The following DYTN variants were observed in gnomAD, a reference collection of about 807,000 sequenced individuals.
The protein encoded by DYTN is dystrotelin.
In DYTN, 75 loss-of-function variants were observed where a neutral mutation model predicts 69.6. That is an observed-to-expected ratio of 1.08 (90% CI 0.89 to 1.31). DYTN has a LOEUF of 1.31. Ranked by LOEUF, DYTN falls within the 50% of genes most tolerant of loss-of-function variation. DYTN has a pLI of 0.00. For synonymous variants in DYTN, 252 were observed against 249.1 expected (o/e 1.01, Z -0.11); for missense variants, 726 against 688.4 (o/e 1.05, Z -0.61).
Position 206,708,918 on chromosome 2 carries a change from C to T in DYTN, c.95-1415G>A, listed in dbSNP as rs372966729. Among the ~76,000 whole-genome samples, 48 of 152,292 alleles carry T rather than the reference C, an allele frequency of 3.2e-4. No individual in the cohort carries two copies. In the South Asian group the frequency reaches 8.3e-3, roughly 26 times the overall value. On this transcript the variant is annotated intron_variant, in intron 2 of 11. Transcript: ENST00000452335. ...TTGAAAACTGTGCATCCACAAATTA[C>T]GCTACGGAACATACTCAGGCATTCG...
chr2:206,680,344 C>T (rs1559310073), intron 9 of DYTN, among the ~76,000 whole-genome samples: 1 of 152,150 alleles, frequency 6.6e-6, no homozygotes, highest in Non-Finnish European at 1.5e-5. Context: ...GTCCCTCCCA[C>T]AACACATGGG....
chr2:206,661,549 C>T (rs6754507), intron 11 of DYTN, among the ~76,000 whole-genome samples: 64,844 of 152,010 alleles, frequency 0.43, 14,924 homozygotes, highest in African/African-American at 0.6. Context: ...CCTCCTCCCT[C>T]TTCTTCTCCT....
chr2:206,676,120 C>T (rs907750801), intron 9 of DYTN, among the ~76,000 whole-genome samples: 9 of 152,160 alleles, frequency 5.9e-5, no homozygotes, highest in African/African-American at 2.2e-4. Context: ...TATAAAGACA[C>T]CTGCACACAT....
At chr2:206,688,922 G>A (rs1411635050) in intron 9 of DYTN, among the ~76,000 whole-genome samples, 1 of 152,074 alleles carries the variant, frequency 6.6e-6, no homozygotes, top group African/African-American at 2.4e-5. Flanking sequence ...TGCTAGTAGA[G>A]TGAAGAATTT....
intron 1 of DYTN, among the ~76,000 whole-genome samples, chr2:206,714,680 C>A (rs1172339476): frequency 1.9e-5 from 2 of 103,798 alleles, no homozygotes; most frequent in Non-Finnish European, 1.8e-5. Flanking sequence ...CCTAGCAGAC[C>A]CCTGAGTGGG....
Position 206,675,113 on chromosome 2 carries a change from A to ATGTGTGTGTG in DYTN, c.981-9085_981-9084insCACACACACA, listed in dbSNP as rs879629081. ...ATTGGAGGGGAAAAAACATATATATATATGTGTGTGTGTGTGTGTGTGTGT... is the reference window on the plus strand; with the variant it reads ...ATTGGAGGGGAAAAAACATATATATATGTGTGTGTGTATGTGTGTGTGTGTGTGTGTGTGT... On this transcript the variant is annotated intron_variant, in intron 9 of 11. Coordinates refer to ENST00000452335, the MANE Select transcript of DYTN (RefSeq NM_001093730.1). 4.0e-3 allele frequency among the ~76,000 whole-genome samples: 488 copies of ATGTGTGTGTG among 122,632 alleles called. 4 individuals carry two copies. Among genetic ancestry groups the ATGTGTGTGTG allele is most frequent in the African/African-American group, 0.014 (455 of 31,788 alleles). The allele number at this position is 122,632 out of a possible 152,430, so 80.5% of individuals were successfully genotyped here.
rs1366827258 is a variant in DYTN, at chr2:206,693,239, C to T, written c.916G>A (p.Ala306Thr). 1.9e-6 allele frequency: 3 copies of T among 1,613,668 alleles called. No individual in the cohort carries two copies. Among genetic ancestry groups the T allele is most frequent in the Non-Finnish European group, 1.7e-6 (2 of 1,179,874 alleles). ...TGGTCCAGCAGCTGCTGCCTTCTCG[C>T]TGCTTCTTTCTTCCTACAGCGCCCC... ...LQGRCRKKEAARRQQLLDQVN... is the reference protein window; with the variant it reads ...LQGRCRKKEATRRQQLLDQVN... The change falls in exon 9 of 12, where the codon GCG becomes ACG. Residue 306 changes from alanine (A) to threonine (T), a missense_variant. By Grantham distance (58) the Ala-to-Thr change is moderately conservative. Coordinates refer to ENST00000452335, the MANE Select transcript of DYTN (RefSeq NM_001093730.1).
intron 9 of DYTN, chr2:206,678,944 C>T (rs1699720429): frequency 6.6e-6 from 1 of 152,198 alleles, no homozygotes; most frequent in Non-Finnish European, 1.5e-5. Flanking sequence ...GGGAATGCTT[C>T]ACTGAACTTC....
intron 5 of DYTN, among the ~76,000 whole-genome samples, chr2:206,702,281 T>C (rs1699984206): frequency 6.6e-6 from 1 of 152,274 alleles, no homozygotes; most frequent in African/African-American, 2.4e-5. Context: ...TCACGGGTCC[T>C]AATTTCACAT....
Position 206,700,258 on chromosome 2 carries a change from A to C in DYTN, c.484-42T>G, listed in dbSNP as rs1699963383. ...CATCTTAGCTGTTAGAAAGTGGAGA[A>C]ATATGTCGTCTCCGGGAGCAGCAGG... is the stretch of plus-strand genomic sequence containing the variant. On this transcript the variant is annotated intron_variant, in intron 5 of 11. Transcript: ENST00000452335. 4 of 1,608,610 alleles carry C rather than the reference A, an allele frequency of 2.5e-6. No individual in the cohort carries two copies. In the East Asian group the frequency reaches 8.9e-5, roughly 36 times the overall value.
chr2:206,672,876 T>A (rs1392108062), intron 9 of DYTN, among the ~76,000 whole-genome samples: 1 of 152,222 alleles, frequency 6.6e-6, no homozygotes, highest in Non-Finnish European at 1.5e-5. Context: ...TGAAAAAACT[T>A]CACTGGTATT....
At position 206,690,239 on chromosome 2, in the gene DYTN, T is replaced by A. The variant is rs950127575; in HGVS notation, c.980+2936A>T. ...GCCACGCAGGGAGGTGATCTAGGGT[T>A]GCCAGTCCCCCGAGGTGGCAGCATG... is the stretch of plus-strand genomic sequence containing the variant. On this transcript the variant is annotated intron_variant, in intron 9 of 11. Coordinates refer to ENST00000452335, the MANE Select transcript of DYTN (RefSeq NM_001093730.1). Among the ~76,000 whole-genome samples, 15 of 152,228 alleles carry A rather than the reference T, an allele frequency of 9.9e-5. No homozygotes were observed. The East Asian group carries it at 2.5e-3, about 26-fold the overall frequency.
intron 1 of DYTN, among the ~76,000 whole-genome samples, chr2:206,717,442 C>G (rs73064067): frequency 2.0e-5 from 3 of 151,962 alleles, no homozygotes; most frequent in Non-Finnish European, 4.4e-5. Flanking sequence ...CCCAGACCCA[C>G]GGAATCACAA....
chr2:206,700,303 G>C, intron 5 of DYTN, 87 bp from the exon 6 acceptor site: 1 of 1,418,078 alleles, frequency 7.1e-7, no homozygotes. Context: ...TGGTGCCCAC[G>C]GCTGTGTAGT....
chr2:206,705,080 G>T, intron 4 of DYTN, 137 bp from the exon 5 acceptor site: 1 of 716,006 alleles, frequency 1.4e-6, no homozygotes. Flanking sequence ...TTATTGGCTA[G>T]CTATTATGAA....
intron 9 of DYTN, among the ~76,000 whole-genome samples, chr2:206,684,092 T>C (rs964703892): frequency 2.0e-5 from 3 of 152,090 alleles, no homozygotes; most frequent in African/African-American, 7.2e-5. Flanking sequence ...TCTTCATTGA[T>C]GTAGCCCAAG....
intron 10 of DYTN, among the ~76,000 whole-genome samples, chr2:206,664,472 C>T (rs1699545908): frequency 6.6e-6 from 1 of 151,882 alleles, no homozygotes; most frequent in South Asian, 2.1e-4. Context: ...GTCTGGACAA[C>T]ATAGTGAGAC....
intron 8 of DYTN, 23 bp downstream of exon 8, chr2:206,694,743 T>C: frequency 6.4e-7 from 1 of 1,560,510 alleles, no homozygotes; most frequent in South Asian, 1.2e-5. Flanking sequence ...ATGAATAGTT[T>C]GGTATGTGAC....
In DYTN at chr2:206,707,580, G is replaced by A. The variant is rs929261581; in HGVS notation, c.95-77C>T. 6 of 1,427,372 alleles carry A rather than the reference G, an allele frequency of 4.2e-6. No individual in the cohort carries two copies. The African/African-American group carries it at 7.2e-5, about 17-fold the overall frequency. The allele number at this position is 1,427,372 out of a possible 1,614,324, so 88.4% of individuals were successfully genotyped here. Reference sequence around the variant, plus strand: ...GCTTCAAATAAAGCAAATGTCATTTGGTGTTTTATAATTAAGACTTTTTAT... The same window carrying A: ...GCTTCAAATAAAGCAAATGTCATTTAGTGTTTTATAATTAAGACTTTTTAT... On this transcript the variant is annotated intron_variant, in intron 2 of 11. Transcript: ENST00000452335.
Sources: gnomAD v4.1 joint callset for allele counts (sites outside exome capture counted in the v4.1 genomes callset) on GRCh38, gnomAD v4.1.1 for gene constraint, MANE v1.5 for transcripts, NCBI Gene and HGNC (gene_info 2026-07-23, HGNC 2026-07-21) for gene names.